Variants in RPS6KC1 observed in about 807,000 individuals in gnomAD.
RPS6KC1 encodes ribosomal protein S6 kinase C1.
RPS6KC1 carries 54 observed loss-of-function variants against 103.8 expected under a neutral mutation model. That is an observed-to-expected ratio of 0.52 (90% CI 0.42 to 0.65). RPS6KC1 has a LOEUF of 0.65. Ranked by LOEUF, RPS6KC1 falls within the 30% of genes least tolerant of loss-of-function variation. The pLI is 0.00. For missense variants in RPS6KC1, 1,151 were observed against 1,253.8 expected (o/e 0.92, Z 1.24); for synonymous variants, 439 against 438.7 (o/e 1.00, Z -0.01).
rs749647344 is a variant in RPS6KC1, at chr1:213,241,660, C to T, written c.2184C>T (p.Ala728=). The T allele has an allele frequency of 6.2e-7, 1 of 1,613,710 alleles. No individual in the cohort carries two copies. The highest frequency in any genetic ancestry group is 1.7e-5 in the Admixed American group (1 of 59,910). Residue 728 remains alanine, a synonymous_variant, in exon 11 of 15, where the codon GCC becomes GCT. Transcript: ENST00000366960. ...TAATAGAAAATAAACTCTTGGAAGC[C>T]CCTGATGTTTTATGCCTCAGGCTTA... ...IGIIENKLLE[A]PDVLCLRLST...
chr1:213,499,963 T>C, the RPS6KC1 span, among the ~76,000 whole-genome samples: 1 of 152,218 alleles, frequency 6.6e-6, no homozygotes, highest in African/African-American at 2.4e-5. Context: ...GGTGAGTTAG[T>C]GAGTAAATGT....
chr1:213,660,894 C>G, the RPS6KC1 span, among the ~76,000 whole-genome samples: 1 of 152,154 alleles, frequency 6.6e-6, no homozygotes, highest in Non-Finnish European at 1.5e-5. Flanking sequence ...TGCACAAATT[C>G]GCCAGTCGTT....
the RPS6KC1 span, among the ~76,000 whole-genome samples, chr1:213,465,934 T>TA: frequency 6.6e-6 from 1 of 152,152 alleles, no homozygotes; most frequent in Non-Finnish European, 1.5e-5. Flanking sequence ...GGTCGTGCCT[T>TA]AGAGACCATC....
At chr1:213,724,772 A>G in the RPS6KC1 span, among the ~76,000 whole-genome samples, 1 of 151,740 alleles carries the variant, frequency 6.6e-6, no homozygotes, top group Non-Finnish European at 1.5e-5. Context: ...AAATTTGACG[A>G]CTCCATTAAT....
the RPS6KC1 span, among the ~76,000 whole-genome samples, chr1:213,491,175 A>G: frequency 2.6e-5 from 4 of 152,200 alleles, no homozygotes; most frequent in African/African-American, 7.2e-5. Flanking sequence ...AAGGAGGCCC[A>G]TTAATCTATC....
chr1:213,781,247 AAGT>A, the RPS6KC1 span, among the ~76,000 whole-genome samples: 1 of 152,208 alleles, frequency 6.6e-6, no homozygotes, highest in African/African-American at 2.4e-5. Flanking sequence ...ATTTTGGATC[AAGT>A]AGTAGCAGGG....
chr1:213,429,333 T>C, the RPS6KC1 span, among the ~76,000 whole-genome samples: 3 of 152,092 alleles, frequency 2.0e-5, no homozygotes, highest in Admixed American at 6.6e-5. Flanking sequence ...TTTGTGCTTT[T>C]TGTAGAGATG....
the RPS6KC1 span, among the ~76,000 whole-genome samples, chr1:213,322,908 C>T: frequency 6.5e-4 from 82 of 125,958 alleles, no homozygotes; most frequent in African/African-American, 2.3e-3. Context: ...CCACCATGCC[C>T]AGCTTTTTTT....
intron 7 of RPS6KC1, among the ~76,000 whole-genome samples, chr1:213,175,667 C>A (rs558098952): frequency 6.6e-6 from 1 of 152,052 alleles, no homozygotes; most frequent in African/African-American, 2.4e-5. Flanking sequence ...TTTAAATCTT[C>A]CTTCCTATGT....
the RPS6KC1 span, among the ~76,000 whole-genome samples, chr1:213,559,704 C>T: frequency 6.6e-6 from 1 of 152,100 alleles, no homozygotes; most frequent in African/African-American, 2.4e-5. Flanking sequence ...TAGATCAGTG[C>T]TATTGGATGG....
intron 11 of RPS6KC1, 64 bp downstream of exon 11, chr1:213,242,361 G>A (rs775109519): frequency 2.7e-5 from 42 of 1,543,362 alleles, no homozygotes; most frequent in Middle Eastern, 1.7e-4. Flanking sequence ...CTGAGTAGGC[G>A]TTTTATCTTG....
At chr1:213,777,848 A>G in the RPS6KC1 span, among the ~76,000 whole-genome samples, 1 of 152,174 alleles carries the variant, frequency 6.6e-6, no homozygotes, top group Non-Finnish European at 1.5e-5. Flanking sequence ...TAATAGCTCT[A>G]TATTTATTGA....
the RPS6KC1 span, among the ~76,000 whole-genome samples, chr1:213,352,879 G>T: frequency 1.3e-5 from 2 of 152,206 alleles, no homozygotes; most frequent in Non-Finnish European, 2.9e-5. Flanking sequence ...ATGCAAGAAG[G>T]TGTGGAAGAT....
At chr1:213,152,456 G>A (rs1398746176) in intron 6 of RPS6KC1, among the ~76,000 whole-genome samples, 10 of 150,726 alleles carry the variant, frequency 6.6e-5, no homozygotes, top group Non-Finnish European at 1.3e-4. Flanking sequence ...GGCGGCTGCC[G>A]GGCGGAGGGG....
chr1:213,330,392 AG>A, the RPS6KC1 span, among the ~76,000 whole-genome samples: 1 of 152,230 alleles, frequency 6.6e-6, no homozygotes, highest in African/African-American at 2.4e-5. Context: ...GGAGTCTAGT[AG>A]GGAAGAGAGA....
At chr1:213,708,023 T>G in the RPS6KC1 span, among the ~76,000 whole-genome samples, 2 of 152,164 alleles carry the variant, frequency 1.3e-5, no homozygotes, top group Non-Finnish European at 2.9e-5. Flanking sequence ...TTGGCTATAC[T>G]GGCTCTTTTT....
chr1:213,113,629 T>C (rs2083266117), intron 4 of RPS6KC1, among the ~76,000 whole-genome samples: 1 of 151,630 alleles, frequency 6.6e-6, no homozygotes, highest in Admixed American at 6.6e-5. Flanking sequence ...CATGAAGTCC[T>C]TGCCCATGCC....
At chr1:213,808,804 C>T in the RPS6KC1 span, among the ~76,000 whole-genome samples, 3 of 152,260 alleles carry the variant, frequency 2.0e-5, no homozygotes, top group African/African-American at 7.2e-5. Context: ...CGCCCACTGT[C>T]TGGCACTCCC....
chr1:213,783,132 T>C, the RPS6KC1 span, among the ~76,000 whole-genome samples: 4 of 152,218 alleles, frequency 2.6e-5, no homozygotes. Context: ...CAGTCCTGAA[T>C]AACTTTTCAG....
Sources: allele counts gnomAD v4.1 joint callset (sites outside exome capture counted in the v4.1 genomes callset), GRCh38; gene constraint gnomAD v4.1.1; transcripts MANE v1.5; gene names NCBI Gene and HGNC (gene_info 2026-07-23, HGNC 2026-07-21).